The following FAM133B variants were observed in gnomAD, a reference collection of about 807,000 sequenced individuals.
FAM133B encodes the protein family with sequence similarity 133 member B.
A neutral mutation model predicts 46.4 loss-of-function variants in FAM133B; 25 were observed. The ratio of observed to expected loss-of-function variants is 0.54; its 90% CI spans 0.39 to 0.75. The LOEUF is 0.75. Ranked by LOEUF, FAM133B falls within the 30% of genes least tolerant of loss-of-function variation. FAM133B has a pLI of 0.00. For synonymous variants in FAM133B, 75 were observed against 86.0 expected, an observed-to-expected ratio of 0.87 and a Z score of 0.71; for missense variants, 205 against 277.6, an observed-to-expected ratio of 0.74 and a Z score of 1.86.
In FAM133B at chr7:92,561,344, C is replaced by CA. The variant is rs1794149391; in HGVS notation, c.*937dup. On this transcript the variant is annotated 3_prime_UTR_variant, in exon 11 of 11. Coordinates refer to ENST00000445716, the MANE Select transcript of FAM133B (RefSeq NM_152789.4). ...CATTGCAGCCTAAACAAAATTCATA[C>CA]AAAAAAATAAACTATCACTAGTTAC... The CA allele has an allele frequency of 7.4e-6, 1 of 134,830 alleles. No individual in the cohort carries two copies. The highest frequency in any genetic ancestry group is 2.8e-5 in the African/African-American group (1 of 35,306). 8.4% of individuals were successfully genotyped at this position (134,830 alleles called of 1,614,324 possible).
At chr7:92,568,588 G>C (rs1265642489) in intron 9 of FAM133B, among the ~76,000 whole-genome samples, 2 of 147,694 alleles carry the variant, frequency 1.4e-5, no homozygotes, top group East Asian at 4.0e-4. Context: ...GGCTGGTCTG[G>C]AACTCCTGAT....
At chr7:92,564,612 T>C (rs1270287222) in intron 10 of FAM133B, among the ~76,000 whole-genome samples, 1 of 152,220 alleles carries the variant, frequency 6.6e-6, no homozygotes, top group Non-Finnish European at 1.5e-5. Context: ...TAGGGGAGCC[T>C]TCCTATCAGA....
chr7:92,579,536 TG>T, intron 2 of FAM133B, 141 bp from the exon 3 acceptor site: 1 of 617,512 alleles, frequency 1.6e-6, no homozygotes, highest in Non-Finnish European at 2.8e-6. Flanking sequence ...TCAATTTCTT[TG>T]TTCACGTTTA....
At chr7:92,577,802 A>C in intron 5 of FAM133B, 85 bp from the exon 6 acceptor site, 3 of 1,081,460 alleles carry the variant, frequency 2.8e-6, no homozygotes, top group Non-Finnish European at 4.0e-6. Context: ...TAGTGAAATC[A>C]ATCTAGTGTC....
intron 2 of FAM133B, among the ~76,000 whole-genome samples, chr7:92,580,237 C>T (rs1794827485): frequency 7.2e-6 from 1 of 138,426 alleles, no homozygotes; most frequent in South Asian, 2.3e-4. Flanking sequence ...CCACATCCAG[C>T]TAATTAAAAA....
Position 92,589,958 on chromosome 7 carries a change from G to A in FAM133B, c.24+310C>T, listed in dbSNP as rs114403756. On this transcript the variant is annotated intron_variant, in intron 1 of 10. Transcript: ENST00000445716. ...GGGCCAGGTGTGGGGGGGGTTCCCC[G>A]AGCCCTCGCGGTTCTAAGTGGGCAC... The A allele has an allele frequency of 7.3e-3, 3,385 of 461,370 alleles. 25 individuals carry two copies. Among genetic ancestry groups the A allele is most frequent in the Non-Finnish European group, 0.01 (2,612 of 256,804 alleles). 28.6% of individuals were successfully genotyped at this position (461,370 alleles called of 1,614,324 possible).
intron 1 of FAM133B, chr7:92,589,923 T>G: frequency 2.6e-6 from 1 of 387,964 alleles, no homozygotes; most frequent in Non-Finnish European, 4.7e-6. Flanking sequence ...GTCTTCGGAG[T>G]TACATGGCGG....
chr7:92,590,177 G>A, intron 1 of FAM133B, 91 bp downstream of exon 1: 1 of 1,599,404 alleles, frequency 6.3e-7, no homozygotes, highest in Non-Finnish European at 8.6e-7. Flanking sequence ...GCTGCCGCTT[G>A]CCCTCCGGCC....
chr7:92,587,821 T>C (rs974021643), intron 1 of FAM133B, among the ~76,000 whole-genome samples: 2 of 152,170 alleles, frequency 1.3e-5, no homozygotes, highest in Non-Finnish European at 2.9e-5. Context: ...GACTGGATGA[T>C]AGTAACATGT....
rs138519918 is a variant in FAM133B at position 92,581,399 on chromosome 7, A to C, written c.122+107T>G. On this transcript the variant is annotated intron_variant, in intron 2 of 10. Transcript: ENST00000445716. ...ATATCAAATGTTACTTAAAAAAATTACTTATCTGGCAATTGCTTGGTAATC... is the reference window on the plus strand; with the variant it reads ...ATATCAAATGTTACTTAAAAAAATTCCTTATCTGGCAATTGCTTGGTAATC... 7.1e-4 allele frequency: 606 copies of C among 851,476 alleles called. 3 individuals carry two copies. In the African/African-American group the frequency reaches 9.1e-3, roughly 13 times the overall value. The allele number at this position is 851,476 out of a possible 1,614,324, so 52.7% of individuals were successfully genotyped here.
intron 10 of FAM133B, among the ~76,000 whole-genome samples, chr7:92,562,683 T>C (rs1794196544): frequency 6.6e-6 from 1 of 152,168 alleles, no homozygotes; most frequent in Non-Finnish European, 1.5e-5. Context: ...ATATAACTTC[T>C]AAAGGTAAAG....
intron 9 of FAM133B, among the ~76,000 whole-genome samples, chr7:92,566,456 C>G (rs771877602): frequency 6.6e-6 from 1 of 151,492 alleles, no homozygotes; most frequent in Non-Finnish European, 1.5e-5. Flanking sequence ...AGAGCTCCCC[C>G]ATCTCTACCA....
intron 1 of FAM133B, chr7:92,585,340 C>T: frequency 1.0e-6 from 1 of 983,476 alleles, no homozygotes; most frequent in African/African-American, 1.7e-5. Context: ...TTTTTGTTTT[C>T]AACAATATTG....
intron 5 of FAM133B, 133 bp downstream of exon 5, chr7:92,578,013 ACAAT>A: frequency 2.6e-6 from 2 of 777,478 alleles, no homozygotes; most frequent in Non-Finnish European, 4.1e-6. Context: ...ATCACTCTTC[ACAAT>A]CAAAGAACCT....
At chr7:92,567,622 C>G (rs1270887192) in intron 9 of FAM133B, among the ~76,000 whole-genome samples, 1 of 152,132 alleles carries the variant, frequency 6.6e-6, no homozygotes, top group Non-Finnish European at 1.5e-5. Context: ...CTAAGGGTGA[C>G]AGCAGATGTA....
At position 92,578,392 on chromosome 7, in the gene FAM133B, T is replaced by C. The variant is rs200450721; in HGVS notation, c.203A>G (p.Asn68Ser). Reference protein sequence around the residue: ...LAEFEEKMNENWKKELEKHRE... With the variant: ...LAEFEEKMNESWKKELEKHRE... ...GTGTTTTTCCAGTTCTTTCTTCCAGTTCTGCAAAAAGGTTATGAACACCAT... is the reference window on the plus strand; with the variant it reads ...GTGTTTTTCCAGTTCTTTCTTCCAGCTCTGCAAAAAGGTTATGAACACCAT... The change falls in exon 4 of 11, where the codon AAC (asparagine) becomes AGC (serine). Residue 68 changes from asparagine (N) to serine (S), a missense_variant and splice_region_variant. Physicochemically the swap from Asn to Ser is conservative, Grantham distance 46 (BLOSUM62 1). Coordinates refer to ENST00000445716, the MANE Select transcript of FAM133B (RefSeq NM_152789.4). 4 of 1,612,450 alleles carry C rather than the reference T, an allele frequency of 2.5e-6. No individual in the cohort carries two copies. In the East Asian group the frequency reaches 6.7e-5, roughly 27 times the overall value.
chr7:92,587,985 A>G (rs1413232050), intron 1 of FAM133B, among the ~76,000 whole-genome samples: 2 of 152,178 alleles, frequency 1.3e-5, no homozygotes, highest in Non-Finnish European at 2.9e-5. Context: ...TAAAAAAAAA[A>G]GTCTTAAAAA....
intron 9 of FAM133B, among the ~76,000 whole-genome samples, chr7:92,567,083 T>C (rs1256972119): frequency 6.6e-6 from 1 of 151,970 alleles, no homozygotes; most frequent in Non-Finnish European, 1.5e-5. Context: ...TGGGGTGTGG[T>C]GGCATGTGAC....
At chr7:92,566,822 A>C (rs931550256) in intron 9 of FAM133B, among the ~76,000 whole-genome samples, 1 of 152,246 alleles carries the variant, frequency 6.6e-6, no homozygotes, top group Admixed American at 6.5e-5. Flanking sequence ...TATTCAGTGT[A>C]GTTAGTATAA....
Sources: gnomAD v4.1 joint callset for allele counts (sites outside exome capture counted in the v4.1 genomes callset) on GRCh38, gnomAD v4.1.1 for gene constraint, MANE v1.5 for transcripts, NCBI Gene and HGNC (gene_info 2026-07-23, HGNC 2026-07-21) for gene names.